DPP10: variants seen among roughly 807,000 people sequenced by gnomAD.
The protein encoded by DPP10 is inactive dipeptidyl peptidase 10.
A neutral mutation model predicts 120.9 loss-of-function variants in DPP10; 33 were observed. The observed-to-expected ratio is 0.27, with a 90% confidence interval of 0.21 to 0.37. DPP10 has a LOEUF of 0.37. Among genes scored for constraint, DPP10 ranks in the 10% least tolerant of loss-of-function variants. The pLI is 1.00. For synonymous variants in DPP10, 337 were observed against 326.1 expected (o/e 1.03, Z -0.36); for missense variants, 816 against 942.8 (o/e 0.87, Z 1.76).
chr2:115,841,800 A>G (rs1360147582), intron 25 of DPP10, among the ~76,000 whole-genome samples: 1 of 152,208 alleles, frequency 6.6e-6, no homozygotes, highest in African/African-American at 2.4e-5. Flanking sequence ...CTTATGAAAA[A>G]CTACTGCAAA....
intron 1 of DPP10, among the ~76,000 whole-genome samples, chr2:114,996,133 C>T (rs1027322455): frequency 7.9e-5 from 12 of 152,132 alleles, no homozygotes; most frequent in African/African-American, 2.4e-4. Flanking sequence ...ATCAAGCTTA[C>T]GGATGGGTGT....
intron 1 of DPP10, among the ~76,000 whole-genome samples, chr2:115,207,277 A>G (rs1163474624): frequency 6.6e-6 from 1 of 152,022 alleles, no homozygotes; most frequent in Admixed American, 6.6e-5. Flanking sequence ...ACAGAAGAGT[A>G]TTTGTTTTCC....
intron 1 of DPP10, among the ~76,000 whole-genome samples, chr2:115,301,576 G>T (rs1243128970): frequency 6.6e-6 from 1 of 151,638 alleles, no homozygotes; most frequent in Non-Finnish European, 1.5e-5. Flanking sequence ...TTTTCTTGAT[G>T]GGGCATTCAC....
intron 1 of DPP10, among the ~76,000 whole-genome samples, chr2:114,635,689 A>C (rs2105399432): frequency 6.6e-6 from 1 of 151,994 alleles, no homozygotes; most frequent in South Asian, 2.1e-4. Flanking sequence ...TTTTATCTCA[A>C]AATCTTTATA....
intron 1 of DPP10, among the ~76,000 whole-genome samples, chr2:114,583,980 C>T (rs1189871724): frequency 6.6e-6 from 1 of 152,040 alleles, no homozygotes; most frequent in African/African-American, 2.4e-5. Context: ...TGAACACACA[C>T]ATGTATGTTA....
chr2:115,697,249 T>A (rs1380620815), intron 7 of DPP10, among the ~76,000 whole-genome samples: 2 of 151,648 alleles, frequency 1.3e-5, no homozygotes, highest in East Asian at 3.9e-4. Flanking sequence ...ACTTTAAATA[T>A]AAATAGATTA....
At chr2:115,801,829 GT>G (rs1365784453) in intron 19 of DPP10, among the ~76,000 whole-genome samples, 3 of 152,304 alleles carry the variant, frequency 2.0e-5, no homozygotes, top group Admixed American at 2.0e-4. Context: ...GCTGGATTCG[GT>G]TTGCCAGTAT....
intron 5 of DPP10, among the ~76,000 whole-genome samples, chr2:115,562,191 C>T (rs949072143): frequency 6.6e-6 from 1 of 152,192 alleles, no homozygotes. Context: ...ATCCTTCCCC[C>T]TTTTCATTGT....
At chr2:115,150,748 GT>G (rs1650938914) in intron 1 of DPP10, among the ~76,000 whole-genome samples, 1 of 152,146 alleles carries the variant, frequency 6.6e-6, no homozygotes, top group Non-Finnish European at 1.5e-5. Flanking sequence ...ATTGAAACAT[GT>G]CTGGTCTAAA....
At chr2:115,174,880 C>T (rs1216346432) in intron 1 of DPP10, among the ~76,000 whole-genome samples, 4 of 152,202 alleles carry the variant, frequency 2.6e-5, no homozygotes, top group Non-Finnish European at 5.9e-5. Context: ...AGTCAGCCAA[C>T]ATTGCTTGTC....
rs1000372728 is a variant in DPP10 at position 114,781,915 on chromosome 2, G to A, written c.60+339077G>A. The stretch of plus-strand genomic sequence containing the variant: ...TAAATTTTCCACAATCATCATGTTC[G>A]TAATAAAAACATATAAGGTGTTTTT... On this transcript the variant is annotated intron_variant, in intron 1 of 25. Coordinates refer to ENST00000410059, the MANE Select transcript of DPP10 (RefSeq NM_020868.6). 8.6e-5 allele frequency among the ~76,000 whole-genome samples: 13 copies of A among 152,016 alleles called. No individual in the cohort carries two copies. In the South Asian group the frequency reaches 1.9e-3, roughly 22 times the overall value.
intron 2 of DPP10, among the ~76,000 whole-genome samples, chr2:115,330,420 C>T (rs1038321111): frequency 9.3e-5 from 14 of 151,226 alleles, no homozygotes; most frequent in South Asian, 4.2e-4. Context: ...TTTTGCTGTG[C>T]AGAAGCTCTT....
intron 2 of DPP10, among the ~76,000 whole-genome samples, chr2:115,335,737 A>T (rs979652534): frequency 6.6e-6 from 1 of 151,988 alleles, no homozygotes; most frequent in African/African-American, 2.4e-5. Context: ...ATGTTATTTC[A>T]ATCAGCTAGT....
chr2:115,330,413 T>C (rs2062647738), intron 2 of DPP10, among the ~76,000 whole-genome samples: 1 of 151,154 alleles, frequency 6.6e-6, no homozygotes, highest in Non-Finnish European at 1.5e-5. Flanking sequence ...TAGTTTCTTT[T>C]GCTGTGCAGA....
intron 1 of DPP10, among the ~76,000 whole-genome samples, chr2:115,261,570 T>C (rs2059251375): frequency 6.6e-6 from 1 of 152,210 alleles, no homozygotes; most frequent in African/African-American, 2.4e-5. Flanking sequence ...TCCACACTTC[T>C]TCAATACATG....
intron 3 of DPP10, among the ~76,000 whole-genome samples, chr2:115,458,881 G>A (rs1428471318): frequency 6.6e-6 from 1 of 152,064 alleles, no homozygotes; most frequent in Non-Finnish European, 1.5e-5. Flanking sequence ...CACACTAAGA[G>A]TACATGTTTT....
intron 1 of DPP10, among the ~76,000 whole-genome samples, chr2:114,946,441 T>C (rs1697351709): frequency 6.6e-6 from 1 of 152,194 alleles, no homozygotes; most frequent in Non-Finnish European, 1.5e-5. Context: ...TACTAATTTA[T>C]ACACTGAACA....
At chr2:115,609,530 A>G (rs891453057) in intron 5 of DPP10, among the ~76,000 whole-genome samples, 2 of 152,100 alleles carry the variant, frequency 1.3e-5, no homozygotes, top group Non-Finnish European at 2.9e-5. Context: ...AAGCTCTCAC[A>G]GTGAAGTGTT....
chr2:115,039,806 T>C (rs543148766), intron 1 of DPP10, among the ~76,000 whole-genome samples: 96 of 152,210 alleles, frequency 6.3e-4, no homozygotes, highest in Admixed American at 2.4e-3. Flanking sequence ...CAAGTCTCCA[T>C]TGGGCCATCA....
Sources: allele counts gnomAD v4.1 joint callset (sites outside exome capture counted in the v4.1 genomes callset), GRCh38; gene constraint gnomAD v4.1.1; transcripts MANE v1.5; gene names NCBI Gene and HGNC (gene_info 2026-07-23, HGNC 2026-07-21).